PLXNA4: variants seen among roughly 807,000 people sequenced by gnomAD.
PLXNA4 encodes the protein plexin A4.
PLXNA4 carries 44 observed loss-of-function variants against 191.8 expected under a neutral mutation model. The ratio of observed to expected loss-of-function variants is 0.23; its 90% CI spans 0.18 to 0.29. PLXNA4 has a LOEUF of 0.29. Ranked by LOEUF, PLXNA4 falls within the 10% of genes least tolerant of loss-of-function variation. The probability of loss-of-function intolerance (pLI) is 1.00; values close to 1 mark genes in which losing one functional copy is unlikely to be tolerated. For synonymous variants in PLXNA4, 1,082 were observed against 1,009.5 expected, an observed-to-expected ratio of 1.07 and a Z score of -1.36; for missense variants, 1,800 against 2,488.8, an observed-to-expected ratio of 0.72 and a Z score of 5.89.
chr7:132,582,075 A>G (rs941020856), upstream of PLXNA4, among the ~76,000 whole-genome samples: 2 of 152,210 alleles, frequency 1.3e-5, no homozygotes, highest in Admixed American at 6.5e-5. Context: ...ACCTCAGTGT[A>G]ACCCTTCTTG....
At chr7:132,562,398 GCTCCTCCTCCTT>G (rs1563174026) in intron 1 of PLXNA4, among the ~76,000 whole-genome samples, 7 of 61,758 alleles carry the variant, frequency 1.1e-4, no homozygotes, top group Non-Finnish European at 1.7e-4. Flanking sequence ...TCCTTCTGCT[GCTCCTCCTCCTT>G]CTCCTCCTTC....
At chr7:132,402,576 A>C (rs1282548867) in intron 3 of PLXNA4, among the ~76,000 whole-genome samples, 2 of 152,152 alleles carry the variant, frequency 1.3e-5, no homozygotes, top group Non-Finnish European at 2.9e-5. Flanking sequence ...TAATCATCTT[A>C]TTGCAGGAAA....
At chr7:132,450,650 A>T (rs543497135) in intron 3 of PLXNA4, among the ~76,000 whole-genome samples, 44 of 152,350 alleles carry the variant, frequency 2.9e-4, no homozygotes, top group South Asian at 1.0e-3. Context: ...CAACGGTGGC[A>T]TCACTCCAGA....
intron 12 of PLXNA4, among the ~76,000 whole-genome samples, chr7:132,201,325 C>A (rs570879810): frequency 2.0e-4 from 30 of 152,236 alleles, no homozygotes; most frequent in Non-Finnish European, 4.4e-5. Flanking sequence ...GTGACGGCAG[C>A]CCTGGGACCC....
At chr7:132,529,010 T>G (rs1045252972) in intron 1 of PLXNA4, among the ~76,000 whole-genome samples, 1 of 152,246 alleles carries the variant, frequency 6.6e-6, no homozygotes, top group African/African-American at 2.4e-5. Flanking sequence ...CATTCTTTCA[T>G]TAGCTGGATA....
intron 3 of PLXNA4, among the ~76,000 whole-genome samples, chr7:132,437,414 A>C (rs531242054): frequency 6.6e-6 from 1 of 152,204 alleles, no homozygotes. Context: ...GCATGTTTGC[A>C]TGCAAGCACG....
chr7:132,469,189 G>C (rs1796833552), intron 3 of PLXNA4, among the ~76,000 whole-genome samples: 3 of 151,686 alleles, frequency 2.0e-5, no homozygotes, highest in Admixed American at 2.0e-4. Flanking sequence ...ATCCAAAAGG[G>C]AGCAGTGGCA....
chr7:132,416,378 T>C (rs1794661650), intron 3 of PLXNA4, among the ~76,000 whole-genome samples: 1 of 152,200 alleles, frequency 6.6e-6, no homozygotes, highest in Admixed American at 6.5e-5. Flanking sequence ...CCTTGGAGAT[T>C]AGCATATTCA....
chr7:132,497,121 C>T (rs1293107590), intron 2 of PLXNA4, among the ~76,000 whole-genome samples: 2 of 85,976 alleles, frequency 2.3e-5, no homozygotes, highest in Non-Finnish European at 5.0e-5. Flanking sequence ...TGTGCACGCA[C>T]GCACACACAC....
intron 3 of PLXNA4, among the ~76,000 whole-genome samples, chr7:132,305,690 T>G (rs1354258161): frequency 2.0e-5 from 3 of 152,166 alleles, no homozygotes; most frequent in Non-Finnish European, 4.4e-5. Context: ...GGCTGTTTAT[T>G]TACATCCATT....
intron 2 of PLXNA4, among the ~76,000 whole-genome samples, chr7:132,506,721 T>C (rs1437620489): frequency 6.6e-6 from 1 of 152,132 alleles, no homozygotes; most frequent in Non-Finnish European, 1.5e-5. Flanking sequence ...AGCAAGGCCA[T>C]ACCCACCAGC....
At chr7:132,242,078 C>T (rs1169184834) in intron 4 of PLXNA4, among the ~76,000 whole-genome samples, 2 of 151,976 alleles carry the variant, frequency 1.3e-5, no homozygotes, top group South Asian at 2.1e-4. Flanking sequence ...CTGGATCAAA[C>T]GGAGTTTTTA....
At position 132,203,193 on chromosome 7, in the gene PLXNA4, G is replaced by T. The variant is rs559229983; in HGVS notation, c.2395+130C>A. 236 of 789,672 alleles carry T rather than the reference G, an allele frequency of 3.0e-4. 2 individuals carry two copies. The East Asian group carries it at 5.2e-3, about 17-fold the overall frequency. The allele number at this position is 789,672 out of a possible 1,614,324, so 48.9% of individuals were successfully genotyped here. On this transcript the variant is annotated intron_variant, in intron 11 of 31. Transcript: ENST00000321063. ...ATGGTGGAGAGGCTGTGAAGGAGGG[G>T]CTCAGAGGGAGAGGGACAGCCACTA...
At chr7:132,388,093 A>G (rs1396558836) in intron 3 of PLXNA4, among the ~76,000 whole-genome samples, 1 of 152,164 alleles carries the variant, frequency 6.6e-6, no homozygotes, top group Admixed American at 6.5e-5. Flanking sequence ...GAGTAGTCAC[A>G]GCCCCCTCAG....
At chr7:132,507,291 A>G (rs1798504571) in intron 2 of PLXNA4, among the ~76,000 whole-genome samples, 2 of 152,170 alleles carry the variant, frequency 1.3e-5, no homozygotes, top group Non-Finnish European at 2.9e-5. Flanking sequence ...ATGGGAATTT[A>G]TGTTTCAGCT....
At chr7:132,151,951 G>T (rs972308949) in intron 25 of PLXNA4, among the ~76,000 whole-genome samples, 1 of 152,128 alleles carries the variant, frequency 6.6e-6, no homozygotes, top group African/African-American at 2.4e-5. Context: ...TACCCTGTTG[G>T]CCAGAACCCA....
chr7:132,521,700 C>T (rs1230194138), intron 1 of PLXNA4, among the ~76,000 whole-genome samples: 1 of 152,176 alleles, frequency 6.6e-6, no homozygotes, highest in Admixed American at 6.6e-5. Flanking sequence ...CCCTTCCTCC[C>T]CAACTTCACA....
At chr7:132,312,321 G>A (rs1801777356) in intron 3 of PLXNA4, among the ~76,000 whole-genome samples, 1 of 152,074 alleles carries the variant, frequency 6.6e-6, no homozygotes, top group Non-Finnish European at 1.5e-5. Context: ...CAAGGCCCAT[G>A]TGTTTCACAG....
At chr7:132,326,599 G>A (rs1386137721) in intron 3 of PLXNA4, among the ~76,000 whole-genome samples, 3 of 152,076 alleles carry the variant, frequency 2.0e-5, no homozygotes, top group Admixed American at 2.0e-4. Flanking sequence ...TGCTCTCTCG[G>A]AGAACCTCAC....
Sources: allele counts gnomAD v4.1 joint callset (sites outside exome capture counted in the v4.1 genomes callset), GRCh38; gene constraint gnomAD v4.1.1; transcripts MANE v1.5; gene names NCBI Gene and HGNC (gene_info 2026-07-23, HGNC 2026-07-21).